The following CALN1 variants were observed in gnomAD, a reference collection of about 807,000 sequenced individuals.
The protein encoded by CALN1 is calcium-binding protein 8.
CALN1 carries 17 observed loss-of-function variants against 30.6 expected under a neutral mutation model. The ratio of observed to expected loss-of-function variants is 0.56; its 90% CI spans 0.38 to 0.83. The LOEUF (loss-of-function observed/expected upper bound fraction) is 0.83. Ranked by LOEUF, CALN1 falls within the 40% of genes least tolerant of loss-of-function variation. CALN1 has a pLI of 0.00. For missense variants in CALN1, 291 were observed against 354.9 expected, an observed-to-expected ratio of 0.82 and a Z score of 1.45; for synonymous variants, 156 against 131.4, an observed-to-expected ratio of 1.19 and a Z score of -1.28.
chr7:72,463,320 C>T, the CALN1 span, among the ~76,000 whole-genome samples: 1 of 152,156 alleles, frequency 6.6e-6, no homozygotes, highest in Non-Finnish European at 1.5e-5. Flanking sequence ...TGAGGTTCCA[C>T]CAGGTACTTT....
intron 2 of CALN1, among the ~76,000 whole-genome samples, chr7:72,363,037 T>G (rs1253945248): frequency 6.6e-6 from 1 of 152,198 alleles, no homozygotes; most frequent in African/African-American, 2.4e-5. Flanking sequence ...TTTTTTTAAT[T>G]TAACTTTTAA....
chr7:72,079,712 C>T, intron 4 of CALN1, among the ~76,000 whole-genome samples: 1 of 150,768 alleles, frequency 6.6e-6, no homozygotes, highest in East Asian at 1.9e-4. Context: ...ACTGAAACCA[C>T]TGGCCCTTCA....
intron 3 of CALN1, among the ~76,000 whole-genome samples, chr7:72,111,754 T>A (rs1012027976): frequency 2.8e-4 from 28 of 98,416 alleles, no homozygotes; most frequent in Non-Finnish European, 2.4e-4. Context: ...TTTTTCTTTC[T>A]TTTTTTTTTT....
intron 3 of CALN1, among the ~76,000 whole-genome samples, chr7:72,146,361 A>AC (rs1230429840): frequency 6.6e-6 from 1 of 152,208 alleles, no homozygotes; most frequent in Non-Finnish European, 1.5e-5. Flanking sequence ...GTGAACTCCC[A>AC]TTCACAATTG....
rs1351782731 is a variant in CALN1, at chr7:72,114,302, G to C, written c.245-8008C>G. Among the ~76,000 whole-genome samples, 3 of 134,452 alleles carry C rather than the reference G, an allele frequency of 2.2e-5. No individual in the cohort carries two copies. In the Admixed American group the frequency reaches 2.3e-4, roughly 10 times the overall value. 88.2% of individuals were successfully genotyped at this position (134,452 alleles called of 152,430 possible). A position where few individuals can be genotyped will look rare whatever the true frequency, so the allele number is the denominator to read the frequency against. ...GGGAAGGGAAGGGAAGGGAAGGGAA[G>C]GGAAGGGAAGGCAACACTGTAGTTT... On this transcript the variant is annotated intron_variant, in intron 3 of 6. Transcript: ENST00000395275.
At chr7:71,898,210 G>A (rs1793657246) in intron 5 of CALN1, among the ~76,000 whole-genome samples, 1 of 151,936 alleles carries the variant, frequency 6.6e-6, no homozygotes, top group South Asian at 2.1e-4. Flanking sequence ...CTTGCCTGTA[G>A]TCCCAGCTAC....
intron 5 of CALN1, among the ~76,000 whole-genome samples, chr7:71,953,555 T>C (rs558018808): frequency 3.9e-5 from 6 of 152,272 alleles, no homozygotes; most frequent in Admixed American, 2.0e-4. Context: ...CTCTTTCTGG[T>C]GTTTTCCGCA....
At chr7:71,987,253 T>C (rs892621428) in intron 5 of CALN1, among the ~76,000 whole-genome samples, 23 of 152,204 alleles carry the variant, frequency 1.5e-4, no homozygotes, top group Admixed American at 7.9e-4. Context: ...AATATAAAAG[T>C]TGTGCTTTGA....
chr7:72,397,565 G>A (rs935284951), intron 2 of CALN1, among the ~76,000 whole-genome samples: 2 of 152,158 alleles, frequency 1.3e-5, no homozygotes, highest in African/African-American at 2.4e-5. Context: ...CAGCAATGAG[G>A]AAGAGGGAGT....
At chr7:72,370,207 TAATGATC>T (rs1213186499) in intron 2 of CALN1, among the ~76,000 whole-genome samples, 1 of 152,202 alleles carries the variant, frequency 6.6e-6, no homozygotes, top group Non-Finnish European at 1.5e-5. Context: ...TACATTTCCC[TAATGATC>T]AATGATGTTG....
intron 5 of CALN1, among the ~76,000 whole-genome samples, chr7:71,980,218 A>T (rs1400811823): frequency 1.6e-5 from 2 of 129,024 alleles, no homozygotes; most frequent in African/African-American, 3.0e-5. Flanking sequence ...ACAGAGTCTC[A>T]CTCTCTTGCC....
chr7:72,380,402 C>A (rs112309050), intron 2 of CALN1, among the ~76,000 whole-genome samples: 3 of 152,268 alleles, frequency 2.0e-5, no homozygotes, highest in African/African-American at 4.8e-5. Flanking sequence ...TTGAGAGGAT[C>A]ATTTGAAGCC....
chr7:71,959,457 T>C (rs1376179236), intron 5 of CALN1, among the ~76,000 whole-genome samples: 1 of 152,160 alleles, frequency 6.6e-6, no homozygotes, highest in African/African-American at 2.4e-5. Flanking sequence ...GGGCTTCCCC[T>C]TCTCCCAGGA....
chr7:72,247,042 C>T (rs1287113571), intron 3 of CALN1, among the ~76,000 whole-genome samples: 2 of 152,052 alleles, frequency 1.3e-5, no homozygotes, highest in East Asian at 3.9e-4. Flanking sequence ...GCAAGAGCCA[C>T]TGTGCCCGGC....
intron 3 of CALN1, among the ~76,000 whole-genome samples, chr7:72,112,083 A>G (rs1807620321): frequency 6.6e-6 from 1 of 152,058 alleles, no homozygotes; most frequent in South Asian, 2.1e-4. Context: ...CTGCATTGGG[A>G]CCTAGTGCCC....
At chr7:72,409,471 A>C (rs558844350) in intron 1 of CALN1, among the ~76,000 whole-genome samples, 1 of 143,856 alleles carries the variant, frequency 7.0e-6, no homozygotes, top group Non-Finnish European at 1.5e-5. Flanking sequence ...CCAGCCTCTG[A>C]GGAAGGAGGC....
intron 6 of CALN1, among the ~76,000 whole-genome samples, chr7:71,792,905 G>C (rs922034842): frequency 3.3e-5 from 5 of 151,882 alleles, no homozygotes; most frequent in African/African-American, 9.7e-5. Flanking sequence ...TTATCCCCCA[G>C]GAGAGCGGGG....
chr7:71,950,398 C>T (rs1257134242), intron 5 of CALN1, among the ~76,000 whole-genome samples: 1 of 152,184 alleles, frequency 6.6e-6, no homozygotes, highest in East Asian at 1.9e-4. Flanking sequence ...CACTACCACG[C>T]ATTTTTGGAT....
At chr7:72,167,442 T>G (rs952627872) in intron 3 of CALN1, among the ~76,000 whole-genome samples, 1 of 152,202 alleles carries the variant, frequency 6.6e-6, no homozygotes, top group African/African-American at 2.4e-5. Flanking sequence ...CCTCCCAGAT[T>G]CAAGCAATTC....
Sources: allele counts gnomAD v4.1 joint callset (sites outside exome capture counted in the v4.1 genomes callset), GRCh38; gene constraint gnomAD v4.1.1; transcripts MANE v1.5; gene names NCBI Gene and HGNC (gene_info 2026-07-23, HGNC 2026-07-21).